Variants in HSP90AB1 observed in about 807,000 individuals in gnomAD.
HSP90AB1 encodes the protein heat shock protein 90 alpha family class B member 1.
HSP90AB1 carries 17 observed loss-of-function variants against 67.8 expected under a neutral mutation model. That is an observed-to-expected ratio of 0.25 (90% CI 0.17 to 0.38). HSP90AB1 has a LOEUF of 0.38. HSP90AB1 is among the 10% of genes least tolerant of loss of function. The pLI, the probability that HSP90AB1 is intolerant of heterozygous loss-of-function variation, is 1.00. For synonymous variants in HSP90AB1, 390 were observed against 312.9 expected, an observed-to-expected ratio of 1.25 and a Z score of -2.60; for missense variants, 690 against 899.9, an observed-to-expected ratio of 0.77 and a Z score of 2.98.
intron 2 of HSP90AB1, among the ~76,000 whole-genome samples, chr6:44,249,059 T>A (rs919369330): frequency 6.6e-6 from 1 of 152,152 alleles, no homozygotes; most frequent in Non-Finnish European, 1.5e-5. Flanking sequence ...GATACGGGCT[T>A]TAAGAAAGCA....
Position 44,251,155 on chromosome 6 carries a change from CTA to C in HSP90AB1, c.1067_1068del (p.Tyr356CysfsTer11). On this transcript the variant is annotated frameshift_variant, in exon 7 of 12. Transcript: ENST00000371646. LOFTEE classifies it high-confidence loss of function. ...NKKKKNNIKL[Y>X]VRRVFIMDSC... ...AGAAGAAAAAGAACAACATCAAACTCTATGTCCGCCGTGTGTTCATCATGGAC... is the reference window on the plus strand; with the variant it reads ...AGAAGAAAAAGAACAACATCAAACTCTGTCCGCCGTGTGTTCATCATGGAC... 1.2e-6 allele frequency: 2 copies of C among 1,614,230 alleles called. No homozygotes were observed. Among genetic ancestry groups the C allele is most frequent in the African/African-American group, 1.3e-5 (1 of 75,048 alleles).
chr6:44,251,477 C>G lies in HSP90AB1; in HGVS notation c.1183C>G (p.Leu395Val). 6.2e-7 allele frequency: 1 copy of G among 1,611,428 alleles called. No individual in the cohort carries two copies. The highest frequency in any genetic ancestry group is 8.5e-7 in the Non-Finnish European group (1 of 1,178,096). Residue 395 changes from leucine to valine, a missense_variant, in exon 8 of 12, where the codon CTC (leucine) becomes GTC (valine). Physicochemically the swap from Leu to Val is conservative, Grantham distance 32 (BLOSUM62 1). This residue lies in a region of HSP90AB1 where 101 missense variants were observed against 174.8 expected (regional missense o/e 0.58). Transcript: ENST00000371646. ...GCCCCTGAACATCTCCCGAGAAATG[C>G]TCCAGCAGAGCAAAATCTTGAAAGT... ...DLPLNISREM[L>V]QQSKILKVIR...
upstream of HSP90AB1, among the ~76,000 whole-genome samples, chr6:44,246,536 C>A (rs1369513198): frequency 1.3e-5 from 2 of 152,318 alleles, no homozygotes; most frequent in East Asian, 1.9e-4. Context: ...CCGGCGCCCT[C>A]CCCCTACGCT....
Position 44,253,531 on chromosome 6 carries a change from C to T in HSP90AB1, c.2108C>T (p.Ala703Val), listed in dbSNP as rs760049822. The T allele has an allele frequency of 9.9e-6, 16 of 1,614,058 alleles. No homozygotes were observed. The highest frequency in any genetic ancestry group is 1.4e-5 in the Non-Finnish European group (16 of 1,179,924). Residue 703 changes from alanine (A) to valine (V), a missense_variant, in exon 12 of 12, where the codon GCA becomes GTA. Transcript: ENST00000371646. ...GTGGCAGCAGAGGAACCCAATGCTG[C>T]AGTTCCTGATGAGATCCCCCCTCTC... ...DEVAAEEPNA[A>V]VPDEIPPLEG...
intron 1 of HSP90AB1, 98 bp from the exon 2 acceptor site, chr6:44,248,532 A>C: frequency 8.9e-7 from 1 of 1,120,546 alleles, no homozygotes; most frequent in Middle Eastern, 2.9e-4. Flanking sequence ...AACCAGTCTG[A>C]ACTCACTGTC....
chr6:44,253,427 T>C, intron 11 of HSP90AB1, 49 bp downstream of exon 11: 1 of 1,602,230 alleles, frequency 6.2e-7, no homozygotes, highest in Non-Finnish European at 8.5e-7. Flanking sequence ...GCAACTCGTC[T>C]CCTCTATGGA....
chr6:44,248,800 T>TG (rs754356084), intron 2 of HSP90AB1, 24 bp downstream of exon 2: 2 of 1,538,370 alleles, frequency 1.3e-6, no homozygotes, highest in East Asian at 4.5e-5. Context: ...TTTCCACATT[T>TG]GGCATGGTTT....
chr6:44,249,968 C>G, intron 4 of HSP90AB1, 53 bp from the exon 5 acceptor site: 2 of 1,606,670 alleles, frequency 1.2e-6, no homozygotes, highest in Admixed American at 1.7e-5. Context: ...AATTGCTGGT[C>G]TCAACTGCAT....
chr6:44,252,385 T>G, intron 10 of HSP90AB1, 118 bp downstream of exon 10: 1 of 906,656 alleles, frequency 1.1e-6, no homozygotes, highest in East Asian at 2.5e-5. Flanking sequence ...CATGCCTTCT[T>G]GCCTCTTGTT....
chr6:44,253,563 G>A lies in HSP90AB1; in HGVS notation c.2140G>A (p.Asp714Asn), dbSNP rs374209904. 5.8e-5 allele frequency: 94 copies of A among 1,613,976 alleles called. No homozygotes were observed. The highest frequency in any genetic ancestry group is 7.7e-5 in the Non-Finnish European group (91 of 1,179,944). ...TGATGAGATCCCCCCTCTCGAGGGCGATGAGGATGCGTCTCGCATGGAAGA... is the reference window on the plus strand; with the variant it reads ...TGATGAGATCCCCCCTCTCGAGGGCAATGAGGATGCGTCTCGCATGGAAGA... ...VPDEIPPLEG[D>N]EDASRMEEVD The change falls in exon 12 of 12, where the codon GAT (aspartate) becomes AAT (asparagine). Residue 714 changes from aspartate (D) to asparagine (N), a missense_variant. Asp to Asn is a conservative substitution (Grantham distance 23, BLOSUM62 1). Transcript: ENST00000371646.
In HSP90AB1 at chr6:44,249,413, C is replaced by T; in HGVS notation, c.184C>T (p.Pro62Ser). 1 of 1,613,850 alleles carries T rather than the reference C, an allele frequency of 6.2e-7. No homozygotes were observed. Among genetic ancestry groups the T allele is most frequent in the South Asian group, 1.1e-5 (1 of 91,078 alleles). ...DKIRYESLTD[P>S]SKLDSGKELK... ...GATTCGCTATGAGAGCCTGACAGAC[C>T]CTTCGAAGTTGGACAGTGGTAAAGA... Residue 62 changes from proline to serine, a missense_variant, in exon 3 of 12, where the codon CCT becomes TCT. Physicochemically the swap from Pro to Ser is moderately conservative, Grantham distance 74. Transcript: ENST00000371646.
chr6:44,252,729 C>CT (rs1248899686), intron 10 of HSP90AB1, among the ~76,000 whole-genome samples: 4 of 151,886 alleles, frequency 2.6e-5, no homozygotes, highest in South Asian at 2.1e-4. Context: ...ATCTCCTGAC[C>CT]TTGTGATTCG....
Position 44,249,404 on chromosome 6 carries a change from C to T in HSP90AB1, c.175C>T (p.Leu59=), listed in dbSNP as rs1297759400. 6 of 1,613,828 alleles carry T rather than the reference C, an allele frequency of 3.7e-6. No homozygotes were observed. The highest frequency in any genetic ancestry group is 4.2e-6 in the Non-Finnish European group (5 of 1,179,856). The change falls in exon 3 of 12, where the codon CTG becomes TTG. Residue 59 remains leucine, a synonymous_variant. Coordinates refer to ENST00000371646, the MANE Select transcript of HSP90AB1 (RefSeq NM_007355.4). ...DALDKIRYES[L]TDPSKLDSGK... ...CTTGGACAAGATTCGCTATGAGAGC[C>T]TGACAGACCCTTCGAAGTTGGACAG...
chr6:44,246,654 C>G (rs946034383), upstream of HSP90AB1, among the ~76,000 whole-genome samples: 3 of 152,152 alleles, frequency 2.0e-5, no homozygotes, highest in African/African-American at 2.4e-5. Flanking sequence ...TGTCGGGACG[C>G]GAGATGTGTA....
rs1333850877 is a variant in HSP90AB1 at position 44,253,387 on chromosome 6, C to G, written c.2065+9C>G. Reference sequence around the variant, plus strand: ...GATCAAGCTAGGTCTAGGTAAGTAGCTTTGGTACTTGGTGTGGCAAGGAGT... The same window carrying G: ...GATCAAGCTAGGTCTAGGTAAGTAGGTTTGGTACTTGGTGTGGCAAGGAGT... On this transcript the variant is annotated intron_variant, in intron 11 of 11. Coordinates refer to ENST00000371646, the MANE Select transcript of HSP90AB1 (RefSeq NM_007355.4). The G allele has an allele frequency of 6.2e-7, 1 of 1,611,006 alleles. No homozygotes were observed. The highest frequency in any genetic ancestry group is 8.5e-7 in the Non-Finnish European group (1 of 1,177,838).
chr6:44,251,875 T>C lies in HSP90AB1; in HGVS notation c.1453T>C (p.Tyr485His), dbSNP rs773977953. ...RMKETQKSIY[Y>H]ITGESKEQVA... Reference sequence around the variant, plus strand: ...GAAGGAGACACAGAAGTCCATCTATTACATCACTGGTGCGTTGACTCTGAT... The same window carrying C: ...GAAGGAGACACAGAAGTCCATCTATCACATCACTGGTGCGTTGACTCTGAT... Residue 485 changes from tyrosine (Y) to histidine (H), a missense_variant, in exon 9 of 12, where the codon TAC becomes CAC. Tyr to His is a moderately conservative substitution (Grantham distance 83, BLOSUM62 2). Around this residue, in one of 7 missense-constraint regions of HSP90AB1, gnomAD observed 206 missense variants for 221.4 expected, o/e 0.93. Coordinates refer to ENST00000371646, the MANE Select transcript of HSP90AB1 (RefSeq NM_007355.4). 2.5e-6 allele frequency: 4 copies of C among 1,613,100 alleles called. No homozygotes were observed. The Admixed American group carries it at 6.7e-5, about 27-fold the overall frequency.
rs1014634822 is a variant in HSP90AB1 at position 44,253,154 on chromosome 6, A to C, written c.1841A>C (p.Asn614Thr). ...RIMKAQALRD[N>T]STMGYMMAKK... ...ATGAAAGCCCAGGCACTTCGGGACA[A>C]CTCCACCATGGGCTATATGATGGCC... The change falls in exon 11 of 12, where the codon AAC becomes ACC. Residue 614 changes from asparagine to threonine, a missense_variant. By Grantham distance (65) the Asn-to-Thr change is moderately conservative. Transcript: ENST00000371646. 1 of 1,613,978 alleles carries C rather than the reference A, an allele frequency of 6.2e-7. No homozygotes were observed. The highest frequency in any genetic ancestry group is 8.5e-7 in the Non-Finnish European group (1 of 1,180,028).
At chr6:44,248,867 T>C in intron 2 of HSP90AB1, 91 bp downstream of exon 2, 1 of 1,191,330 alleles carries the variant, frequency 8.4e-7, no homozygotes, top group Non-Finnish European at 1.2e-6. Context: ...TGTTGGGGAC[T>C]ACTATTGAAG....
At position 44,251,482 on chromosome 6, in the gene HSP90AB1, G is replaced by A. The variant is rs144063831; in HGVS notation, c.1188G>A (p.Gln396=). ...TGAACATCTCCCGAGAAATGCTCCA[G>A]CAGAGCAAAATCTTGAAAGTCATTC... The part of the protein sequence containing the change: ...LPLNISREML[Q]QSKILKVIRK... The change falls in exon 8 of 12, where the codon CAG becomes CAA. Residue 396 remains glutamine (Q), a synonymous_variant. Coordinates refer to ENST00000371646, the MANE Select transcript of HSP90AB1 (RefSeq NM_007355.4). 4.1e-4 allele frequency: 659 copies of A among 1,611,408 alleles called. No individual in the cohort carries two copies. Among genetic ancestry groups the A allele is most frequent in the Non-Finnish European group, 5.1e-4 (601 of 1,178,126 alleles).
Sources: gnomAD v4.1 joint callset for allele counts (sites outside exome capture counted in the v4.1 genomes callset) on GRCh38, gnomAD v4.1.1 for gene constraint, gnomAD v4.1.1 regional missense constraint, MANE v1.5 for transcripts, NCBI Gene and HGNC (gene_info 2026-07-23, HGNC 2026-07-21) for gene names.